THSD4: variants seen among roughly 807,000 people sequenced by gnomAD.
The protein encoded by THSD4 is thrombospondin type-1 domain-containing protein 4.
In THSD4, 69 loss-of-function variants were observed where a neutral mutation model predicts 119.0. That is an observed-to-expected ratio of 0.58 (90% confidence interval 0.48 to 0.71). The LOEUF (loss-of-function observed/expected upper bound fraction) is 0.71. Among genes scored for constraint, THSD4 ranks in the 30% least tolerant of loss-of-function variants. The pLI is 0.00. For synonymous variants in THSD4, 524 were observed against 540.4 expected (o/e 0.97, Z 0.42); for missense variants, 1,393 against 1,391.1 (o/e 1.00, Z -0.02).
Position 71,777,663 on chromosome 15 carries a change from C to T in THSD4, c.*289C>T. 1 of 434,766 alleles carries T rather than the reference C, an allele frequency of 2.3e-6. No homozygotes were observed. Among genetic ancestry groups the T allele is most frequent in the Non-Finnish European group, 4.3e-6 (1 of 233,108 alleles). The allele number at this position is 434,766 out of a possible 1,614,324, so 26.9% of individuals were successfully genotyped here. On this transcript the variant is annotated 3_prime_UTR_variant, in exon 18 of 18. Transcript: ENST00000261862. ...TTTGAAAGTCAAGCAGTGGGAAGTA[C>T]ATGGAGCTCTCAGCCCTGCTCCCAT... is the stretch of plus-strand genomic sequence containing the variant.
chr15:71,724,350 G>A (rs1417154001), intron 8 of THSD4, among the ~76,000 whole-genome samples: 2 of 145,708 alleles, frequency 1.4e-5, no homozygotes, highest in African/African-American at 2.5e-5. Context: ...CAGTGGCGTG[G>A]TCTCGGCTCA....
At chr15:71,496,194 T>A (rs143176157) in intron 7 of THSD4, among the ~76,000 whole-genome samples, 309 of 152,358 alleles carry the variant, frequency 2.0e-3, no homozygotes, top group African/African-American at 6.6e-3. Flanking sequence ...ATTGTACCTG[T>A]CACTTACCTG....
At chr15:71,556,316 A>G (rs1010248061) in intron 7 of THSD4, among the ~76,000 whole-genome samples, 1 of 152,156 alleles carries the variant, frequency 6.6e-6, no homozygotes, top group Non-Finnish European at 1.5e-5. Flanking sequence ...GACATTTTCT[A>G]ATAAAGTTTT....
At chr15:71,331,575 T>A (rs908232369) in intron 6 of THSD4, among the ~76,000 whole-genome samples, 3 of 152,218 alleles carry the variant, frequency 2.0e-5, no homozygotes, top group African/African-American at 7.2e-5. Context: ...CTCTGCAGTC[T>A]GGCCCCCAGA....
At chr15:71,458,423 G>A (rs2047369728) in intron 7 of THSD4, among the ~76,000 whole-genome samples, 1 of 152,142 alleles carries the variant, frequency 6.6e-6, no homozygotes, top group African/African-American at 2.4e-5. Context: ...AAACTTTAGT[G>A]TGCTTATCTC....
At chr15:71,691,979 TG>T (rs1271187165) in intron 8 of THSD4, among the ~76,000 whole-genome samples, 1 of 152,226 alleles carries the variant, frequency 6.6e-6, no homozygotes, top group Non-Finnish European at 1.5e-5. Context: ...GTGGTTGGGC[TG>T]GAATGTTTAA....
rs1211413187 is a variant in THSD4 at position 71,420,177 on chromosome 15, A to T, written c.1152+8354A>T. ...GTACTCCAGTGTTGGGTGCATATAT[A>T]TTTACAGTTGTTAAATCCTCTTGCT... On this transcript the variant is annotated intron_variant, in intron 7 of 17. Coordinates refer to ENST00000261862, the MANE Select transcript of THSD4 (RefSeq NM_024817.3). 2.8e-5 allele frequency among the ~76,000 whole-genome samples: 3 copies of T among 107,920 alleles called. 1 individual carries two copies. The highest frequency in any genetic ancestry group is 9.5e-5 in the African/African-American group (3 of 31,692). The allele number at this position is 107,920 out of a possible 152,430, so 70.8% of individuals were successfully genotyped here. A position where few individuals can be genotyped will look rare whatever the true frequency, so the allele number is the denominator to read the frequency against.
rs34395762 is a variant in THSD4, at chr15:71,323,096, TAAAAAAAA to T, written c.1015+66397_1015+66404del. Among the ~76,000 whole-genome samples, 112 of 98,512 alleles carry T rather than the reference TAAAAAAAA, an allele frequency of 1.1e-3. 1 individual carries two copies. The highest frequency in any genetic ancestry group is 4.2e-3 in the African/African-American group (101 of 23,954). The allele number at this position is 98,512 out of a possible 152,430, so 64.6% of individuals were successfully genotyped here. On this transcript the variant is annotated intron_variant, in intron 6 of 17. Transcript: ENST00000261862. ...TGGTTGTTGGAGTGAGACCCTGTCT[TAAAAAAAA>T]AAAAAAAAAAAAAAAGATCGTAGTC... is the stretch of plus-strand genomic sequence containing the variant.
chr15:71,391,660 C>T (rs1375923526), intron 6 of THSD4, among the ~76,000 whole-genome samples: 1 of 152,190 alleles, frequency 6.6e-6, no homozygotes, highest in East Asian at 1.9e-4. Flanking sequence ...TCTGTAGTCA[C>T]ACGCTTTCCA....
At chr15:71,403,813 G>C (rs1364098165) in intron 6 of THSD4, among the ~76,000 whole-genome samples, 1 of 150,112 alleles carries the variant, frequency 6.7e-6, no homozygotes, top group Non-Finnish European at 1.5e-5. Flanking sequence ...TTGCCCCTAT[G>C]GGACTTGGGG....
intron 7 of THSD4, among the ~76,000 whole-genome samples, chr15:71,526,285 C>G (rs964455646): frequency 2.0e-5 from 3 of 152,152 alleles, no homozygotes; most frequent in African/African-American, 7.2e-5. Context: ...TTCAAACTTG[C>G]AGCCGGCTTC....
At chr15:71,715,388 C>A (rs911921896) in intron 8 of THSD4, among the ~76,000 whole-genome samples, 3 of 152,192 alleles carry the variant, frequency 2.0e-5, no homozygotes, top group African/African-American at 7.2e-5. Flanking sequence ...CACAATCCTG[C>A]ATCTTTTCAT....
At chr15:71,165,375 T>C in intron 3 of THSD4, 7 of 1,489,160 alleles carry the variant, frequency 4.7e-6, no homozygotes, top group Non-Finnish European at 6.5e-6. Context: ...ATGCATATGA[T>C]GACATTTTGC....
At chr15:71,335,185 G>T (rs2045474888) in intron 6 of THSD4, among the ~76,000 whole-genome samples, 1 of 152,164 alleles carries the variant, frequency 6.6e-6, no homozygotes, top group African/African-American at 2.4e-5. Flanking sequence ...TACATGTGAG[G>T]TGCTTAGAGC....
chr15:71,483,861 T>G (rs917976979), intron 7 of THSD4, among the ~76,000 whole-genome samples: 18 of 152,008 alleles, frequency 1.2e-4, no homozygotes, highest in Non-Finnish European at 1.9e-4. Flanking sequence ...GGTTTTCTGT[T>G]CCTGCATTAG....
intron 7 of THSD4, among the ~76,000 whole-genome samples, chr15:71,457,466 C>T (rs1214563696): frequency 6.7e-6 from 1 of 150,132 alleles, no homozygotes; most frequent in African/African-American, 2.5e-5. Flanking sequence ...GAAATGGATT[C>T]ATCACCTGAA....
intron 7 of THSD4, among the ~76,000 whole-genome samples, chr15:71,558,457 G>A (rs1305268596): frequency 6.6e-6 from 1 of 152,094 alleles, no homozygotes; most frequent in Non-Finnish European, 1.5e-5. Flanking sequence ...TTGATATACA[G>A]TATTTTTATT....
At chr15:71,541,057 A>G (rs2048753463) in intron 7 of THSD4, among the ~76,000 whole-genome samples, 1 of 152,302 alleles carries the variant, frequency 6.6e-6, no homozygotes, top group Middle Eastern at 3.4e-3. Context: ...CAATACATTC[A>G]CATGTTTGAC....
At chr15:71,303,777 C>G (rs1005025479) in intron 6 of THSD4, among the ~76,000 whole-genome samples, 2 of 152,142 alleles carry the variant, frequency 1.3e-5, no homozygotes, top group Admixed American at 6.5e-5. Flanking sequence ...TGTAGTGACT[C>G]TGGCATGGTT....
Sources: allele counts gnomAD v4.1 joint callset (sites outside exome capture counted in the v4.1 genomes callset), GRCh38; gene constraint gnomAD v4.1.1; transcripts MANE v1.5; gene names NCBI Gene and HGNC (gene_info 2026-07-23, HGNC 2026-07-21).